LOC400499: variants seen among roughly 807,000 people sequenced by gnomAD.
At chr16:11,523,400 G>T in the LOC400499 span, 321 of 398,702 alleles carry the variant, frequency 8.1e-4, 1 homozygote, top group Admixed American at 2.6e-3. Flanking sequence ...GTGATCAGGC[G>T]TCCTGAGAGA....
At chr16:11,519,627 C>T in the LOC400499 span, among the ~76,000 whole-genome samples, 1 of 151,184 alleles carries the variant, frequency 6.6e-6, no homozygotes, top group Non-Finnish European at 1.5e-5. Context: ...CTGCTACATC[C>T]TACAATAGAG....
chr16:11,412,494 G>C, the LOC400499 span, among the ~76,000 whole-genome samples: 1 of 152,230 alleles, frequency 6.6e-6, no homozygotes, highest in Non-Finnish European at 1.5e-5. Context: ...CTGAGGGCTA[G>C]AGCCTGGCTG....
the LOC400499 span, among the ~76,000 whole-genome samples, chr16:11,497,627 A>G: frequency 1.3e-5 from 2 of 152,120 alleles, no homozygotes; most frequent in Non-Finnish European, 2.9e-5. Context: ...GAGAGCCCAG[A>G]TCTGTGAGCC....
At chr16:11,482,004 G>A in the LOC400499 span, among the ~76,000 whole-genome samples, 14 of 152,270 alleles carry the variant, frequency 9.2e-5, 1 homozygote, top group East Asian at 2.5e-3. Flanking sequence ...AGTATGCGGT[G>A]AATGATTCCA....
At chr16:11,403,069 T>G in the LOC400499 span, among the ~76,000 whole-genome samples, 1 of 152,096 alleles carries the variant, frequency 6.6e-6, no homozygotes, top group African/African-American at 2.4e-5. Context: ...TGAGTCAAGC[T>G]GACCTGACCT....
chr16:11,401,003 T>G, the LOC400499 span, among the ~76,000 whole-genome samples: 1 of 152,212 alleles, frequency 6.6e-6, no homozygotes, highest in Admixed American at 6.5e-5. Context: ...GAGACGCCTG[T>G]ACCTGTTTCC....
At chr16:11,406,045 G>T in the LOC400499 span, among the ~76,000 whole-genome samples, 1 of 152,194 alleles carries the variant, frequency 6.6e-6, no homozygotes, top group East Asian at 1.9e-4. Flanking sequence ...GATTGAGGGG[G>T]TCAGTGTGCA....
chr16:11,481,904 G>A, the LOC400499 span, among the ~76,000 whole-genome samples: 1 of 152,062 alleles, frequency 6.6e-6, no homozygotes, highest in South Asian at 2.1e-4. Context: ...CAAAGTGCTG[G>A]GATTACAGAC....
the LOC400499 span, among the ~76,000 whole-genome samples, chr16:11,517,835 G>A: frequency 6.6e-6 from 1 of 152,128 alleles, no homozygotes; most frequent in African/African-American, 2.4e-5. Flanking sequence ...TCCCTGGGTG[G>A]AGTTGGAAGA....
chr16:11,455,174 G>C, the LOC400499 span, among the ~76,000 whole-genome samples: 3 of 152,222 alleles, frequency 2.0e-5, no homozygotes, highest in African/African-American at 7.2e-5. Context: ...ATATATCTCA[G>C]CTATGTAAGA....
chr16:11,431,585 T>C, the LOC400499 span, among the ~76,000 whole-genome samples: 1 of 152,144 alleles, frequency 6.6e-6, no homozygotes, highest in African/African-American at 2.4e-5. Flanking sequence ...TTTGTACTTT[T>C]GGTAGAGATG....
chr16:11,514,021 T>C, the LOC400499 span, among the ~76,000 whole-genome samples: 3 of 152,210 alleles, frequency 2.0e-5, no homozygotes, highest in Admixed American at 6.5e-5. Context: ...AGCAGGAACT[T>C]TCTGGAAAAT....
the LOC400499 span, among the ~76,000 whole-genome samples, chr16:11,453,623 C>A: frequency 2.0e-5 from 3 of 151,890 alleles, no homozygotes; most frequent in Non-Finnish European, 2.9e-5. Context: ...CATATGAAGT[C>A]GAGGAAATCG....
the LOC400499 span, chr16:11,515,786 A>ATGGGAGGAGGAGGAGGACAG: frequency 2.5e-6 from 1 of 400,834 alleles, no homozygotes. Context: ...GAGGAGGAAA[A>ATGGGAGGAGGAGGAGGACAG]GGGAGGAGGA....
the LOC400499 span, chr16:11,475,840 G>A: frequency 1.2e-4 from 46 of 389,328 alleles, no homozygotes; most frequent in African/African-American, 9.3e-4. Context: ...CAGCCTTTGG[G>A]CAGTGCACAC....
the LOC400499 span, among the ~76,000 whole-genome samples, chr16:11,422,161 G>A: frequency 6.6e-6 from 1 of 152,244 alleles, no homozygotes; most frequent in Non-Finnish European, 1.5e-5. Context: ...AGCACTTTGG[G>A]AGGCCGAAAC....
At chr16:11,426,428 G>A in the LOC400499 span, among the ~76,000 whole-genome samples, 2 of 152,034 alleles carry the variant, frequency 1.3e-5, no homozygotes, top group Non-Finnish European at 2.9e-5. Flanking sequence ...GGGAGACAGG[G>A]CAAGACTCTG....
chr16:11,429,918 A>G, the LOC400499 span, among the ~76,000 whole-genome samples: 5 of 152,236 alleles, frequency 3.3e-5, no homozygotes, highest in Non-Finnish European at 7.3e-5. Flanking sequence ...GAATACTTAC[A>G]TGACTTCCAA....
chr16:11,422,987 A>G, the LOC400499 span, among the ~76,000 whole-genome samples: 1 of 151,486 alleles, frequency 6.6e-6, no homozygotes, highest in Non-Finnish European at 1.5e-5. Context: ...GCCCCTGGGA[A>G]CTGGGAGTCC....
Sources: allele counts gnomAD v4.1 joint callset (sites outside exome capture counted in the v4.1 genomes callset), GRCh38; gene constraint gnomAD v4.1.1; transcripts MANE v1.5.